SPMAP2L: variants seen among roughly 807,000 people sequenced by gnomAD.
SPMAP2L encodes sperm microtubule associated protein 2-like.
the SPMAP2L span, among the ~76,000 whole-genome samples, chr4:56,577,926 A>G: frequency 2.6e-5 from 4 of 152,134 alleles, no homozygotes; most frequent in Non-Finnish European, 5.9e-5. Context: ...TTGAAGCTGC[A>G]GTGACTATGT....
chr4:56,582,695 CAG>C, the SPMAP2L span, among the ~76,000 whole-genome samples: 1 of 152,050 alleles, frequency 6.6e-6, no homozygotes, highest in African/African-American at 2.4e-5. Flanking sequence ...TTATATAAGC[CAG>C]CAATTAGACT....
At chr4:56,546,481 T>G in the SPMAP2L span, among the ~76,000 whole-genome samples, 10 of 152,288 alleles carry the variant, frequency 6.6e-5, no homozygotes, top group East Asian at 1.5e-3. Context: ...GGACTTGTAG[T>G]TTGTAAGAGA....
At chr4:56,595,072 G>A in the SPMAP2L span, 1 of 1,610,896 alleles carries the variant, frequency 6.2e-7, no homozygotes, top group South Asian at 1.1e-5. Context: ...GGCCCCATGG[G>A]GCTCCAGTTC....
At chr4:56,573,628 A>G in the SPMAP2L span, among the ~76,000 whole-genome samples, 2 of 152,024 alleles carry the variant, frequency 1.3e-5, no homozygotes, top group African/African-American at 4.8e-5. Context: ...CTGTATTTCT[A>G]ATTCCCAAAC....
the SPMAP2L span, among the ~76,000 whole-genome samples, chr4:56,534,603 G>A: frequency 0.21 from 32,592 of 151,824 alleles, 3,784 homozygotes; most frequent in Admixed American, 0.3. Context: ...TTGATTTATC[G>A]TCCCCGCTTG....
chr4:56,558,078 T>A, the SPMAP2L span, among the ~76,000 whole-genome samples: 1 of 151,990 alleles, frequency 6.6e-6, no homozygotes, highest in Admixed American at 6.6e-5. Context: ...AAGTGATTCT[T>A]CCACCTCAGC....
At chr4:56,541,532 T>G in the SPMAP2L span, among the ~76,000 whole-genome samples, 5 of 152,240 alleles carry the variant, frequency 3.3e-5, no homozygotes, top group South Asian at 8.3e-4. Flanking sequence ...TTATGGAAAT[T>G]TCTTAACATA....
the SPMAP2L span, chr4:56,603,429 C>T: frequency 1.4e-6 from 1 of 723,886 alleles, no homozygotes; most frequent in Non-Finnish European, 2.1e-6. Context: ...CCCCTTGCTT[C>T]CCCTCCCACA....
At chr4:56,602,775 A>C in the SPMAP2L span, among the ~76,000 whole-genome samples, 3 of 152,146 alleles carry the variant, frequency 2.0e-5, no homozygotes, top group African/African-American at 7.2e-5. Context: ...CCTGGTGACA[A>C]AATTATTATT....
chr4:56,596,282 A>C, the SPMAP2L span, among the ~76,000 whole-genome samples: 67 of 151,938 alleles, frequency 4.4e-4, no homozygotes, highest in Admixed American at 3.8e-3. Context: ...ACACAACAAC[A>C]AAAAAAAGAA....
chr4:56,544,096 C>T, the SPMAP2L span, among the ~76,000 whole-genome samples: 9 of 152,180 alleles, frequency 5.9e-5, no homozygotes. Flanking sequence ...TCAAGTGATT[C>T]TCGTGCCTCA....
chr4:56,608,562 T>C, the SPMAP2L span, among the ~76,000 whole-genome samples: 9 of 152,204 alleles, frequency 5.9e-5, no homozygotes, highest in Non-Finnish European at 1.3e-4. Context: ...CTGTGGGACC[T>C]TGGGGCCCAC....
At chr4:56,597,468 T>C in the SPMAP2L span, among the ~76,000 whole-genome samples, 2 of 152,114 alleles carry the variant, frequency 1.3e-5, no homozygotes, top group African/African-American at 4.8e-5. Context: ...CTAATGATCA[T>C]GTTGCCAAAA....
chr4:56,534,683 T>C, the SPMAP2L span, among the ~76,000 whole-genome samples: 1 of 152,176 alleles, frequency 6.6e-6, no homozygotes, highest in Non-Finnish European at 1.5e-5. Context: ...TCCCAGCACT[T>C]TGGGAGGCTC....
chr4:56,545,861 C>T, the SPMAP2L span, among the ~76,000 whole-genome samples: 17 of 152,218 alleles, frequency 1.1e-4, no homozygotes, highest in African/African-American at 2.4e-4. Context: ...GGCATGATCT[C>T]GGCTCACAGC....
the SPMAP2L span, chr4:56,596,648 T>C: frequency 1.3e-6 from 2 of 1,500,288 alleles, no homozygotes; most frequent in South Asian, 2.6e-5. Flanking sequence ...CATCGCTACC[T>C]TGGTATCCTT....
the SPMAP2L span, chr4:56,601,052 C>A: frequency 6.5e-7 from 1 of 1,535,396 alleles, no homozygotes; most frequent in Admixed American, 2.0e-5. Flanking sequence ...GTATCTTATG[C>A]TACTACTCAT....
the SPMAP2L span, among the ~76,000 whole-genome samples, chr4:56,616,436 T>C: frequency 1.3e-5 from 2 of 152,218 alleles, no homozygotes; most frequent in Admixed American, 6.5e-5. Flanking sequence ...GAGACACAAG[T>C]CAGCTCCTAA....
At chr4:56,570,451 C>A in the SPMAP2L span, among the ~76,000 whole-genome samples, 1 of 152,188 alleles carries the variant, frequency 6.6e-6, no homozygotes, top group African/African-American at 2.4e-5. Context: ...GGCTACAAAG[C>A]TGTGCAGCGT....
Sources: allele counts gnomAD v4.1 joint callset (sites outside exome capture counted in the v4.1 genomes callset), GRCh38; gene constraint gnomAD v4.1.1; transcripts MANE v1.5; gene names NCBI Gene and HGNC (gene_info 2026-07-23, HGNC 2026-07-21).